The following HOMER2 variants were observed in gnomAD, a reference collection of about 807,000 sequenced individuals.
HOMER2 encodes homer protein homolog 2.
HOMER2 carries 27 observed loss-of-function variants against 47.0 expected under a neutral mutation model. The ratio of observed to expected loss-of-function variants is 0.57; its 90% CI spans 0.42 to 0.79. The LOEUF (loss-of-function observed/expected upper bound fraction) is 0.79, where lower values mean the gene tolerates loss of function less well. Ranked by LOEUF, HOMER2 falls within the 30% of genes least tolerant of loss-of-function variation. The pLI is 0.00. For missense variants in HOMER2, 443 were observed against 435.0 expected, an observed-to-expected ratio of 1.02 and a Z score of -0.16; for synonymous variants, 161 against 163.8, an observed-to-expected ratio of 0.98 and a Z score of 0.13.
At chr15:82,866,929 T>A (rs1179026163) in intron 3 of HOMER2, among the ~76,000 whole-genome samples, 1 of 152,186 alleles carries the variant, frequency 6.6e-6, no homozygotes, top group Non-Finnish European at 1.5e-5. Context: ...AGATACATTT[T>A]AAATAAATAA....
At chr15:82,848,592 T>C (rs1304442844), downstream of HOMER2, among the ~76,000 whole-genome samples, 1 of 152,184 alleles carries the variant, frequency 6.6e-6, no homozygotes, top group Non-Finnish European at 1.5e-5. Context: ...GGCCAAGGCT[T>C]GTCAGCTGAG....
intron 4 of HOMER2, among the ~76,000 whole-genome samples, chr15:82,860,032 G>A (rs773469774): frequency 1.3e-5 from 2 of 152,188 alleles, no homozygotes; most frequent in Non-Finnish European, 2.9e-5. Context: ...CAGATCACCT[G>A]AGGCCAGGAG....
At chr15:82,851,564 T>G (rs997176147) in intron 7 of HOMER2, among the ~76,000 whole-genome samples, 1 of 151,958 alleles carries the variant, frequency 6.6e-6, no homozygotes. Flanking sequence ...CCCTAGAAAA[T>G]AAATGACTGT....
chr15:82,916,367 A>G (rs2053587989), intron 1 of HOMER2, among the ~76,000 whole-genome samples: 1 of 152,324 alleles, frequency 6.6e-6, no homozygotes, highest in East Asian at 1.9e-4. Context: ...GAAACAAGAC[A>G]GCCATGGCCT....
intron 1 of HOMER2, among the ~76,000 whole-genome samples, chr15:82,978,864 G>A (rs546397457): frequency 2.1e-4 from 32 of 152,312 alleles, no homozygotes; most frequent in Non-Finnish European, 3.7e-4. Flanking sequence ...GGGACTACAG[G>A]TGTGTGCCAC....
intron 3 of HOMER2, among the ~76,000 whole-genome samples, chr15:82,870,188 C>T (rs532446295): frequency 1.2e-4 from 18 of 152,278 alleles, no homozygotes; most frequent in African/African-American, 3.8e-4. Context: ...TTTCTTTTCC[C>T]GTAGCTTAAC....
chr15:82,943,322 G>A (rs990864508), intron 1 of HOMER2, among the ~76,000 whole-genome samples: 1 of 152,190 alleles, frequency 6.6e-6, no homozygotes, highest in African/African-American at 2.4e-5. Context: ...AGCCTTCCCA[G>A]CTCCCACAAC....
intron 1 of HOMER2, among the ~76,000 whole-genome samples, chr15:82,979,400 C>G (rs1455165534): frequency 6.6e-6 from 1 of 152,140 alleles, no homozygotes; most frequent in Non-Finnish European, 1.5e-5. Flanking sequence ...TATAATCAAG[C>G]TACTCTGAGC....
At position 82,866,180 on chromosome 15, in the gene HOMER2, G is replaced by A. The variant is rs148478732; in HGVS notation, c.295-1921C>T. The stretch of plus-strand genomic sequence containing the variant: ...CAGGAGCAGAGCTGCCCAAGACCAT[G>A]GGAGCCCACCTCTTGCATCAGTGTG... On this transcript the variant is annotated intron_variant, in intron 3 of 8. Transcript: ENST00000450735. Among the ~76,000 whole-genome samples, 3 of 152,318 alleles carry A rather than the reference G, an allele frequency of 2.0e-5. No homozygotes were observed. In the East Asian group the frequency reaches 5.8e-4, roughly 29 times the overall value.
At chr15:82,961,164 AAC>A (rs1308290758) in intron 1 of HOMER2, among the ~76,000 whole-genome samples, 1 of 152,192 alleles carries the variant, frequency 6.6e-6, no homozygotes, top group African/African-American at 2.4e-5. Context: ...ACAATACCAC[AAC>A]AGTTTCCAGA....
chr15:82,930,275 T>C (rs147857709), intron 1 of HOMER2, among the ~76,000 whole-genome samples: 5 of 152,254 alleles, frequency 3.3e-5, no homozygotes, highest in African/African-American at 4.8e-5. Flanking sequence ...GAAGCTCAAA[T>C]GAAATACCGT....
chr15:82,851,196 T>G lies in HOMER2; in HGVS notation c.798A>C (p.Ile266=), dbSNP rs770421950. Residue 266 remains isoleucine (I), a synonymous_variant, in exon 8 of 9, where the codon ATA becomes ATC. Transcript: ENST00000450735. ...ATTCGCACTCTGACATGAGCTGAGG[T>G]ATGATTTCACTTTGTTTTCGGAGAT... ...LKDLRKQSEI[I]PQLMSECEYV... 1 of 1,571,382 alleles carries G rather than the reference T, an allele frequency of 6.4e-7. No individual in the cohort carries two copies.
rs369377922 is a variant in HOMER2, at chr15:82,892,701, C to A, written c.146G>T (p.Ser49Ile). The A allele has an allele frequency of 1.3e-6, 2 of 1,587,690 alleles. No individual in the cohort carries two copies. Among genetic ancestry groups the A allele is most frequent in the Non-Finnish European group, 1.7e-6 (2 of 1,161,124 alleles). The change falls in exon 2 of 9, where the codon AGT becomes ATT. Residue 49 changes from serine (S) to isoleucine (I), a missense_variant. Physicochemically the swap from Ser to Ile is moderately radical, Grantham distance 142. Coordinates refer to ENST00000450735, the MANE Select transcript of HOMER2 (RefSeq NM_004839.4). ...GGGTGGTACCTTGGCTCCGTCCACA[C>A]TGATGATCCGATAGCTGTTCCTTGT... ...DVTRNSYRII[S>I]VDGAKVIINS...
At chr15:82,838,688 A>T (rs2051149207) in exon 2 of HOMER2, 1 of 152,200 alleles carries the variant, frequency 6.6e-6, no homozygotes. Flanking sequence ...TCCCCTTAAC[A>T]TGTTGGAATA....
intron 1 of HOMER2, among the ~76,000 whole-genome samples, chr15:82,917,430 C>G: frequency 6.6e-6 from 1 of 152,212 alleles, no homozygotes; most frequent in Admixed American, 6.5e-5. Context: ...GGAAATAGCA[C>G]AGGCACCTGT....
chr15:82,842,064 A>G (rs1355334228), exon 2 of HOMER2: 1 of 152,246 alleles, frequency 6.6e-6, no homozygotes, highest in Non-Finnish European at 1.5e-5. Context: ...TTTTAAAGTC[A>G]TAAAAGCGAT....
intron 1 of HOMER2, among the ~76,000 whole-genome samples, chr15:82,901,289 C>T (rs2053107965): frequency 6.6e-6 from 1 of 152,066 alleles, no homozygotes; most frequent in Non-Finnish European, 1.5e-5. Context: ...AGATGGAAAA[C>T]AAATACAGGC....
rs577510391 is a variant in HOMER2 at position 82,853,381 on chromosome 15, G to C, written c.652-1129C>G. Reference sequence around the variant, plus strand: ...AGGCAGATCTGCCAGGCCTCGGGTGGGAACGTGCAAAGTCAGCAATTGGCC... The same window carrying C: ...AGGCAGATCTGCCAGGCCTCGGGTGCGAACGTGCAAAGTCAGCAATTGGCC... On this transcript the variant is annotated intron_variant, in intron 6 of 8. Coordinates refer to ENST00000450735, the MANE Select transcript of HOMER2 (RefSeq NM_004839.4). Among the ~76,000 whole-genome samples the C allele has an allele frequency of 7.2e-3, 1,092 of 152,326 alleles. 13 individuals are homozygous for C. Among genetic ancestry groups the C allele is most frequent in the African/African-American group, 0.025 (1,031 of 41,572 alleles).
intron 1 of HOMER2, among the ~76,000 whole-genome samples, chr15:82,899,147 C>T (rs2053032709): frequency 6.6e-6 from 1 of 152,234 alleles, no homozygotes; most frequent in African/African-American, 2.4e-5. Context: ...ACCACCTGGC[C>T]CTGCCCTCTC....
Sources: gnomAD v4.1 joint callset for allele counts (sites outside exome capture counted in the v4.1 genomes callset) on GRCh38, gnomAD v4.1.1 for gene constraint, MANE v1.5 for transcripts, NCBI Gene and HGNC (gene_info 2026-07-23, HGNC 2026-07-21) for gene names.